The following RASA2 variants were observed in gnomAD, a reference collection of about 807,000 sequenced individuals.
RASA2 encodes RAS p21 protein activator 2.
RASA2 carries 155 observed loss-of-function variants against 118.2 expected under a neutral mutation model. That is an observed-to-expected ratio of 1.31 (90% CI 1.15 to 1.50). The LOEUF is 1.50. Among genes scored for constraint, RASA2 ranks in the 40% most tolerant of loss-of-function variants. The pLI, the probability that RASA2 is intolerant of heterozygous loss-of-function variation, is 0.00. For synonymous variants in RASA2, 353 were observed against 349.1 expected (o/e 1.01, Z -0.12); for missense variants, 1,016 against 1,009.6 (o/e 1.01, Z -0.09).
At chr3:141,554,358 C>G (rs943595420) in intron 6 of RASA2, among the ~76,000 whole-genome samples, 3 of 152,160 alleles carry the variant, frequency 2.0e-5, no homozygotes, top group African/African-American at 7.2e-5. Context: ...CAGCTCAGGA[C>G]TGAAAATTGC....
intron 19 of RASA2, among the ~76,000 whole-genome samples, chr3:141,606,282 G>A (rs1041412482): frequency 1.3e-5 from 2 of 151,912 alleles, no homozygotes; most frequent in South Asian, 2.1e-4. Flanking sequence ...ATATAATCTC[G>A]TCTGATTCTA....
chr3:141,591,040 A>G (rs2083278420), intron 19 of RASA2, among the ~76,000 whole-genome samples: 1 of 152,186 alleles, frequency 6.6e-6, no homozygotes, highest in Admixed American at 6.5e-5. Flanking sequence ...TGTACTTACA[A>G]TTATGATTTT....
chr3:141,572,809 A>C, intron 12 of RASA2, 86 bp downstream of exon 12: 3 of 1,057,506 alleles, frequency 2.8e-6, no homozygotes, highest in South Asian at 1.6e-5. Context: ...GGAAGGATTT[A>C]TTCATTCATG....
Position 141,573,180 on chromosome 3 carries a change from C to G in RASA2, c.1318C>G (p.Pro440Ala). The G allele has an allele frequency of 1.3e-6, 2 of 1,537,556 alleles. No individual in the cohort carries two copies. The highest frequency in any genetic ancestry group is 2.5e-5 in the East Asian group (1 of 40,744). Residue 440 changes from proline (P) to alanine (A), a missense_variant, in exon 13 of 24, where the codon CCT (proline) becomes GCT (alanine). Coordinates refer to ENST00000286364, the MANE Select transcript of RASA2 (RefSeq NM_006506.5). ...CDSSKSCEID[P>A]IKLKEGDNVE... ...CTCCTCAAAATCCTGTGAAATCGAT[C>G]CTATTAAATTGAAAGAGGGAGATAA... is the stretch of plus-strand genomic sequence containing the variant.
chr3:141,534,374 G>C (rs78341452), intron 4 of RASA2, among the ~76,000 whole-genome samples: 29 of 152,012 alleles, frequency 1.9e-4, no homozygotes, highest in South Asian at 6.2e-4. Flanking sequence ...ATCTTTATAG[G>C]GGGGGGAAAA....
At chr3:141,596,459 G>T (rs2083369411) in intron 19 of RASA2, among the ~76,000 whole-genome samples, 1 of 152,094 alleles carries the variant, frequency 6.6e-6, no homozygotes, top group African/African-American at 2.4e-5. Flanking sequence ...TAAATGTATG[G>T]TCTATAAAAG....
At chr3:141,596,742 A>C (rs2083379523) in intron 19 of RASA2, among the ~76,000 whole-genome samples, 1 of 152,254 alleles carries the variant, frequency 6.6e-6, no homozygotes, top group African/African-American at 2.4e-5. Flanking sequence ...AACCACAATG[A>C]GATACCATTT....
At chr3:141,607,167 A>G (rs1004438646) in intron 19 of RASA2, among the ~76,000 whole-genome samples, 1 of 152,080 alleles carries the variant, frequency 6.6e-6, no homozygotes, top group Non-Finnish European at 1.5e-5. Flanking sequence ...TGGCTGATCA[A>G]CCCATATGGG....
At chr3:141,573,024 A>AC in intron 12 of RASA2, 123 bp from the exon 13 acceptor site, 1 of 830,088 alleles carries the variant, frequency 1.2e-6, no homozygotes. Flanking sequence ...CCTGCATAGG[A>AC]CATTTTACGC....
At chr3:141,592,807 CTT>C (rs1414068030) in intron 19 of RASA2, among the ~76,000 whole-genome samples, 1 of 150,288 alleles carries the variant, frequency 6.7e-6, no homozygotes, top group African/African-American at 2.5e-5. Context: ...ATAAAGAACT[CTT>C]TTTGAGGAAA....
chr3:141,614,761 C>T lies in RASA2; in HGVS notation c.*2448C>T, dbSNP rs140529722. 2.4e-4 allele frequency: 37 copies of T among 152,226 alleles called. No individual in the cohort carries two copies. The East Asian group carries it at 3.1e-3, about 13-fold the overall frequency. The allele number at this position is 152,226 out of a possible 1,614,324, so 9.4% of individuals were successfully genotyped here. A position where few individuals can be genotyped will look rare whatever the true frequency, so the allele number is the denominator to read the frequency against. On this transcript the variant is annotated 3_prime_UTR_variant, in exon 24 of 24. Transcript: ENST00000286364. ...TAATAAGATGATGGGCAATAGCAAA[C>T]ATTTTTACTCCCAGGAATATAATTT...
chr3:141,498,666 C>T (rs974596309), intron 1 of RASA2, among the ~76,000 whole-genome samples: 2 of 151,674 alleles, frequency 1.3e-5, no homozygotes, highest in African/African-American at 4.8e-5. Context: ...GGAGGGGGGG[C>T]GAAGATCAAT....
chr3:141,536,450 T>A (rs543930089), intron 4 of RASA2, among the ~76,000 whole-genome samples: 70 of 152,230 alleles, frequency 4.6e-4, no homozygotes, highest in Non-Finnish European at 8.4e-4. Context: ...CCAAACCATA[T>A]CAGTACGAGA....
chr3:141,512,282 T>A lies in RASA2; in HGVS notation c.251+2T>A, dbSNP rs761671260. ...CCAAGTTGTGGAAAAATCTTTAAGGTTGGTAGAAAAAATTGGTAAATTATA... is the reference window on the plus strand; with the variant it reads ...CCAAGTTGTGGAAAAATCTTTAAGGATGGTAGAAAAAATTGGTAAATTATA... On this transcript the variant is annotated splice_donor_variant, in intron 2 of 23. Transcript: ENST00000286364. LOFTEE classifies it high-confidence loss of function. The A allele has an allele frequency of 6.4e-7, 1 of 1,555,628 alleles. No individual in the cohort carries two copies. The highest frequency in any genetic ancestry group is 2.3e-5 in the East Asian group (1 of 43,922).
chr3:141,604,460 A>G (rs1180018483), intron 19 of RASA2, among the ~76,000 whole-genome samples: 1 of 152,166 alleles, frequency 6.6e-6, no homozygotes, highest in African/African-American at 2.4e-5. Context: ...TCAAGCTGGG[A>G]AAGAACATTA....
chr3:141,506,895 G>A (rs1460037052), intron 1 of RASA2, among the ~76,000 whole-genome samples: 3 of 140,174 alleles, frequency 2.1e-5, no homozygotes, highest in Admixed American at 1.5e-4. Context: ...CAGCGTGGGC[G>A]ACAGAGCGAG....
chr3:141,567,844 A>G (rs958458240), intron 9 of RASA2, among the ~76,000 whole-genome samples: 1 of 152,226 alleles, frequency 6.6e-6, no homozygotes, highest in Non-Finnish European at 1.5e-5. Flanking sequence ...GATTTTCTGC[A>G]AATAATAAAA....
intron 7 of RASA2, among the ~76,000 whole-genome samples, chr3:141,558,651 C>T (rs924994035): frequency 1.3e-5 from 2 of 151,754 alleles, no homozygotes; most frequent in Non-Finnish European, 2.9e-5. Context: ...GAGAATTTTT[C>T]TTAGACTTGA....
chr3:141,577,544 T>C (rs922671054), intron 15 of RASA2, among the ~76,000 whole-genome samples: 2 of 152,164 alleles, frequency 1.3e-5, no homozygotes, highest in Admixed American at 6.5e-5. Context: ...GAGGCTCTTC[T>C]CTAAGAAAGA....
Sources: gnomAD v4.1 joint callset for allele counts (sites outside exome capture counted in the v4.1 genomes callset) on GRCh38, gnomAD v4.1.1 for gene constraint, MANE v1.5 for transcripts, NCBI Gene and HGNC (gene_info 2026-07-23, HGNC 2026-07-21) for gene names.